Variants in GPM6B observed in about 807,000 individuals in gnomAD.
GPM6B encodes the protein glycoprotein M6B.
A neutral mutation model predicts 27.2 loss-of-function variants in GPM6B; 4 were observed. That is an observed-to-expected ratio of 0.15 (90% CI 0.07 to 0.34). The LOEUF (loss-of-function observed/expected upper bound fraction) is 0.34. Ranked by LOEUF, GPM6B falls within the 10% of genes least tolerant of loss-of-function variation. GPM6B has a pLI of 1.00. For missense variants in GPM6B, 183 were observed against 261.9 expected, an observed-to-expected ratio of 0.70 and a Z score of 2.08; for synonymous variants, 124 against 103.1, an observed-to-expected ratio of 1.20 and a Z score of -1.23.
At chrX:13,823,137 A>C (rs1223306598) in intron 1 of GPM6B, among the ~76,000 whole-genome samples, 1 of 112,458 alleles carries the variant, frequency 8.9e-6, no homozygotes, top group African/African-American at 3.2e-5. Flanking sequence ...TATATTTGCT[A>C]TACTTTCCTT....
chrX:13,889,831 ATTT>A (rs373583726), intron 1 of GPM6B, among the ~76,000 whole-genome samples: 1 of 107,588 alleles, frequency 9.3e-6, no homozygotes, highest in East Asian at 2.9e-4. Context: ...CAATCACATA[ATTT>A]TTTTTTTAAC....
chrX:13,930,299 C>G (rs1159832832), intron 1 of GPM6B, among the ~76,000 whole-genome samples: 3 of 111,406 alleles, frequency 2.7e-5, no homozygotes, highest in Non-Finnish European at 5.7e-5. Context: ...AATGAGAATA[C>G]CAATTACCTA....
intron 1 of GPM6B, among the ~76,000 whole-genome samples, chrX:13,834,859 A>G (rs1403096806): frequency 1.8e-5 from 2 of 112,162 alleles, no homozygotes; most frequent in Non-Finnish European, 3.8e-5. Context: ...CCAGTTCGAA[A>G]CATCTTAGCT....
intron 1 of GPM6B, among the ~76,000 whole-genome samples, chrX:13,902,029 A>G (rs1004248340): frequency 7.1e-5 from 8 of 112,253 alleles, no homozygotes; most frequent in Non-Finnish European, 1.3e-4. Context: ...GTCTAAATTC[A>G]TAATTCCTAT....
rs72083390 is a variant in GPM6B at position 13,902,328 on chromosome X, A to ATT, written c.-198+35997_-198+35998dup. On this transcript the variant is annotated intron_variant, in intron 1 of 6. Coordinates refer to the GPM6B transcript ENST00000398361. ...AGGCAATTCCATAAATGTGGACTGG[A>ATT]TTTTTTTTTTTTAGCATTTACGTTG... Among the ~76,000 whole-genome samples, 6 of 104,449 alleles carry ATT rather than the reference A, an allele frequency of 5.7e-5. No individual in the cohort carries two copies. The East Asian group carries it at 1.2e-3, about 21-fold the overall frequency. 90.7% of individuals were successfully genotyped at this position (104,449 alleles called of 115,157 possible). A position where few individuals can be genotyped will look rare whatever the true frequency, so the allele number is the denominator to read the frequency against.
At chrX:13,817,602 G>A (rs1303918810), upstream of GPM6B, among the ~76,000 whole-genome samples, 2 of 112,256 alleles carry the variant, frequency 1.8e-5, no homozygotes, top group Non-Finnish European at 3.8e-5. Flanking sequence ...TTCAAAGGAC[G>A]TGCCCATAGT....
rs189559988 is a variant in GPM6B at position 13,879,316 on chromosome X, C to T, written c.-198+59011G>A. The stretch of plus-strand genomic sequence containing the variant: ...CAGATTGGCTGGCAGCATGAGCCAC[C>T]CAGGGGTTAAAAACTCACTGAAGGG... On this transcript the variant is annotated intron_variant, in intron 1 of 6. Coordinates refer to the GPM6B transcript ENST00000398361. Among the ~76,000 whole-genome samples the T allele has an allele frequency of 2.4e-3, 269 of 112,081 alleles. 2 individuals carry two copies. Among genetic ancestry groups the T allele is most frequent in the Non-Finnish European group, 4.2e-3 (223 of 53,173 alleles).
intron 1 of GPM6B, among the ~76,000 whole-genome samples, chrX:13,864,910 T>C (rs2049892149): frequency 1.8e-5 from 2 of 112,231 alleles, no homozygotes; most frequent in African/African-American, 3.2e-5. Flanking sequence ...TTTCCCTGTA[T>C]ATACATACAA....
intron 1 of GPM6B, among the ~76,000 whole-genome samples, chrX:13,911,357 T>G (rs1020078312): frequency 1.2e-4 from 13 of 112,188 alleles, no homozygotes; most frequent in Non-Finnish European, 2.1e-4. Context: ...TCCTCCTTGC[T>G]ATACCATAAT....
At chrX:13,936,036 G>A (rs1024852899) in intron 1 of GPM6B, among the ~76,000 whole-genome samples, 5 of 112,007 alleles carry the variant, frequency 4.5e-5, no homozygotes, top group Non-Finnish European at 9.4e-5. Flanking sequence ...GGGCTGGGGG[G>A]AGAAGAGAAT....
chrX:13,906,793 T>C (rs2050335477), intron 1 of GPM6B, among the ~76,000 whole-genome samples: 2 of 112,156 alleles, frequency 1.8e-5, no homozygotes, highest in South Asian at 7.5e-4. Context: ...CATAAACTCT[T>C]TTTAATGATC....
intron 1 of GPM6B, among the ~76,000 whole-genome samples, chrX:13,825,203 G>C (rs1431731734): frequency 2.7e-5 from 3 of 111,704 alleles, no homozygotes; most frequent in Non-Finnish European, 5.6e-5. Flanking sequence ...TTTTTTGAGG[G>C]GGGTGGGGGA....
At chrX:13,830,524 T>C (rs759006571) in intron 1 of GPM6B, among the ~76,000 whole-genome samples, 1 of 112,295 alleles carries the variant, frequency 8.9e-6, no homozygotes, top group Non-Finnish European at 1.9e-5. Flanking sequence ...TGTGCTAATA[T>C]CAATAAGTAA....
chrX:13,861,081 TACAC>T (rs1432143450), intron 1 of GPM6B, among the ~76,000 whole-genome samples: 3 of 107,900 alleles, frequency 2.8e-5, no homozygotes, highest in South Asian at 4.0e-4. Flanking sequence ...TATATACATA[TACAC>T]ACATATATAC....
intron 1 of GPM6B, among the ~76,000 whole-genome samples, chrX:13,842,893 G>A (rs1681232453): frequency 9.0e-6 from 1 of 111,710 alleles, no homozygotes; most frequent in East Asian, 2.8e-4. Context: ...TGATTACGAT[G>A]AAGCCAAAAC....
chrX:13,879,940 A>G (rs1007422598), intron 1 of GPM6B, among the ~76,000 whole-genome samples: 7 of 111,730 alleles, frequency 6.3e-5, no homozygotes, highest in Admixed American at 5.7e-4. Flanking sequence ...GTATAAACCC[A>G]TTAGTACTAC....
intron 1 of GPM6B, among the ~76,000 whole-genome samples, chrX:13,839,661 T>C (rs1291239169): frequency 9.0e-6 from 1 of 111,410 alleles, no homozygotes; most frequent in Admixed American, 9.6e-5. Flanking sequence ...TGATGTTTCA[T>C]TGGCCTGGAT....
At chrX:13,780,919 G>A in intron 4 of GPM6B, 1 of 317,822 alleles carries the variant, frequency 3.1e-6, no homozygotes, top group Non-Finnish European at 6.1e-6. Flanking sequence ...AGATACCTGG[G>A]CGGTTGGAGG....
intron 1 of GPM6B, among the ~76,000 whole-genome samples, chrX:13,826,807 G>A (rs2049379350): frequency 9.1e-6 from 1 of 110,099 alleles, no homozygotes; most frequent in Non-Finnish European, 1.9e-5. Flanking sequence ...TACATCAGGA[G>A]ACAGACAGCT....
Sources: allele counts gnomAD v4.1 joint callset (sites outside exome capture counted in the v4.1 genomes callset), GRCh38; gene constraint gnomAD v4.1.1; transcripts MANE v1.5; gene names NCBI Gene and HGNC (gene_info 2026-07-23, HGNC 2026-07-21).